The following SLC2A5 variants were observed in gnomAD, a reference collection of about 807,000 sequenced individuals.
The protein encoded by SLC2A5 is solute carrier family 2 member 5.
In SLC2A5, 56 loss-of-function variants were observed where a neutral mutation model predicts 50.3. That is an observed-to-expected ratio of 1.11 (90% confidence interval 0.90 to 1.39). SLC2A5 has a LOEUF of 1.39. Ranked by LOEUF, SLC2A5 falls within the 40% of genes most tolerant of loss-of-function variation. SLC2A5 has a pLI of 0.00. For missense variants in SLC2A5, 566 were observed against 650.1 expected, an observed-to-expected ratio of 0.87 and a Z score of 1.41; for synonymous variants, 269 against 281.9, an observed-to-expected ratio of 0.95 and a Z score of 0.46.
chr1:9,039,756 C>T lies in SLC2A5; in HGVS notation c.885+44G>A, dbSNP rs759769831. 14 of 1,441,002 alleles carry T rather than the reference C, an allele frequency of 9.7e-6. No individual in the cohort carries two copies. In the South Asian group the frequency reaches 1.4e-4, roughly 15 times the overall value. The allele number at this position is 1,441,002 out of a possible 1,614,324, so 89.3% of individuals were successfully genotyped here. A position where few individuals can be genotyped will look rare whatever the true frequency, so the allele number is the denominator to read the frequency against. On this transcript the variant is annotated intron_variant, in intron 7 of 11. Transcript: ENST00000377424. Reference sequence around the variant, plus strand: ...GCGCCCCAGGACCTGCGCCCCGCGCCCCCCGAGCCCTCCCCAGCTCCCGAG... The same window carrying T: ...GCGCCCCAGGACCTGCGCCCCGCGCTCCCCGAGCCCTCCCCAGCTCCCGAG...
intron 1 of SLC2A5, among the ~76,000 whole-genome samples, chr1:9,059,299 C>T (rs573380061): frequency 2.6e-5 from 4 of 151,638 alleles, no homozygotes; most frequent in East Asian, 1.9e-4. Flanking sequence ...CCCGCCACCA[C>T]GCCTGGCTAA....
chr1:9,077,782 AAG>A (rs1642309005), intron 2 of SLC2A5, among the ~76,000 whole-genome samples: 66 of 141,040 alleles, frequency 4.7e-4, no homozygotes, highest in East Asian at 1.7e-3. Context: ...GGAGGGAAAG[AAG>A]GGGAAGAAGG....
In SLC2A5 at chr1:9,064,654, A is replaced by G. The variant is rs567845009; in HGVS notation, c.33+4850T>C. Among the ~76,000 whole-genome samples the G allele has an allele frequency of 3.3e-5, 5 of 152,250 alleles. No homozygotes were observed. The South Asian group carries it at 1.0e-3, about 32-fold the overall frequency. On this transcript the variant is annotated intron_variant, in intron 1 of 11. Coordinates refer to ENST00000377424, the MANE Select transcript of SLC2A5 (RefSeq NM_003039.3). ...TCACATCTTATTCCCACGTGAGCTA[A>G]GTCATCTGCCTGCTATGTGGACTCT...
chr1:9,041,350 TG>T, intron 5 of SLC2A5: 1 of 698,280 alleles, frequency 1.4e-6, no homozygotes, highest in Non-Finnish European at 2.0e-6. Context: ...CCCTCACTCC[TG>T]GTACTTCTCT....
At chr1:9,074,151 T>C (rs889721594), upstream of SLC2A5, among the ~76,000 whole-genome samples, 26 of 151,624 alleles carry the variant, frequency 1.7e-4, no homozygotes, top group African/African-American at 3.9e-4. Context: ...AGCATGTTCA[T>C]ATAATAGTTT....
intron 1 of SLC2A5, among the ~76,000 whole-genome samples, chr1:9,059,939 G>A (rs1306637169): frequency 6.6e-6 from 1 of 151,430 alleles, no homozygotes; most frequent in East Asian, 1.9e-4. Flanking sequence ...GTGAACCTCT[G>A]AAGAGCAGCA....
chr1:9,084,250 A>T (rs183550283), intron 2 of SLC2A5, among the ~76,000 whole-genome samples: 1 of 152,158 alleles, frequency 6.6e-6, no homozygotes, highest in Non-Finnish European at 1.5e-5. Flanking sequence ...ATTTTGAGAA[A>T]CCCTCACCTT....
Position 9,040,191 on chromosome 1 carries a change from T to A in SLC2A5, c.572-2A>T. Reference sequence around the variant, plus strand: ...TCAGCCCCAGCAGGATCGGCCAGCCTGGGAGGAAGGCAGCGAGCTGGCACC... The same window carrying A: ...TCAGCCCCAGCAGGATCGGCCAGCCAGGGAGGAAGGCAGCGAGCTGGCACC... On this transcript the variant is annotated splice_acceptor_variant, in intron 5 of 11. Transcript: ENST00000377424. LOFTEE classifies it high-confidence loss of function. This position sits in a 1 kb window ranked among gnomAD's most constrained non-coding sequence, Gnocchi z 4.3. 6.5e-7 allele frequency: 1 copy of A among 1,548,264 alleles called. No homozygotes were observed. The highest frequency in any genetic ancestry group is 1.2e-5 in the South Asian group (1 of 84,152).
chr1:9,087,704 A>G (rs1166731136), intron 1 of SLC2A5, among the ~76,000 whole-genome samples: 1 of 152,010 alleles, frequency 6.6e-6, no homozygotes, highest in Admixed American at 6.6e-5. Context: ...GAGGAGGACA[A>G]TTAATCTGAA....
chr1:9,049,517 G>A (rs550658434), intron 3 of SLC2A5, among the ~76,000 whole-genome samples: 1 of 151,404 alleles, frequency 6.6e-6, no homozygotes, highest in South Asian at 2.1e-4. Flanking sequence ...ATGAAGTCAG[G>A]AGCTCAAGGC....
intron 1 of SLC2A5, among the ~76,000 whole-genome samples, chr1:9,087,061 C>T (rs1241391221): frequency 6.6e-6 from 1 of 152,186 alleles, no homozygotes; most frequent in Non-Finnish European, 1.5e-5. Flanking sequence ...GATAAGTCCC[C>T]TCTTTCAAAA....
At chr1:9,072,785 A>G (rs1289263065), upstream of SLC2A5, among the ~76,000 whole-genome samples, 2 of 143,622 alleles carry the variant, frequency 1.4e-5, no homozygotes, top group East Asian at 4.1e-4. Flanking sequence ...CCCCGTTTCT[A>G]CTAAAAATGC....
Position 9,037,881 on chromosome 1 carries a change from C to T in SLC2A5, c.1302+16G>A. ...TGGGGATCTGGTGGTGAGCGTGGGC[C>T]CCGGGCCCCACTCACCTGGATGAAC... On this transcript the variant is annotated intron_variant, in intron 11 of 11. Coordinates refer to ENST00000377424, the MANE Select transcript of SLC2A5 (RefSeq NM_003039.3). 6.2e-7 allele frequency: 1 copy of T among 1,613,572 alleles called. No individual in the cohort carries two copies. Among genetic ancestry groups the T allele is most frequent in the African/African-American group, 1.3e-5 (1 of 75,006 alleles).
rs79697376 is a variant in SLC2A5, at chr1:9,056,131, G to C, written c.293+1317C>G. Among the ~76,000 whole-genome samples the C allele has an allele frequency of 3.2e-3, 490 of 152,244 alleles. 11 individuals are homozygous for C. In the East Asian group the frequency reaches 0.043, roughly 13 times the overall value. On this transcript the variant is annotated intron_variant, in intron 3 of 11. Transcript: ENST00000377424. ...TGAGGGCCCACAGGGAAAACTGTGGGTTCAACACTAATCTCTCAAGAGGAT... is the reference window on the plus strand; with the variant it reads ...TGAGGGCCCACAGGGAAAACTGTGGCTTCAACACTAATCTCTCAAGAGGAT...
chr1:9,093,920 A>T, the SLC2A5 span, among the ~76,000 whole-genome samples: 1 of 152,168 alleles, frequency 6.6e-6, no homozygotes, highest in Non-Finnish European at 1.5e-5. Context: ...GCTGGTCGGC[A>T]ATTATCCCAT....
intron 1 of SLC2A5, among the ~76,000 whole-genome samples, chr1:9,087,264 G>T (rs182129917): frequency 3.0e-4 from 45 of 151,174 alleles, no homozygotes; most frequent in Admixed American, 3.0e-3. Flanking sequence ...GAGTGCAGTG[G>T]TGCAATCTTG....
At chr1:9,067,492 AACGTGGCAGTTGTGCCTTTCTCTGG>A (rs1312183559) in intron 1 of SLC2A5, among the ~76,000 whole-genome samples, 1 of 152,144 alleles carries the variant, frequency 6.6e-6, no homozygotes, top group African/African-American at 2.4e-5. Context: ...GGACGTGGGG[AACGTGGCAGTTGTGCCTTTCTCTGG>A]ACAGCGGAGG....
At chr1:9,060,234 C>T (rs1269785896) in intron 1 of SLC2A5, among the ~76,000 whole-genome samples, 1 of 121,466 alleles carries the variant, frequency 8.2e-6, no homozygotes, top group Non-Finnish European at 1.7e-5. Context: ...ACAATACACA[C>T]ACACCCCCCA....
upstream of SLC2A5, among the ~76,000 whole-genome samples, chr1:9,088,737 C>T (rs1163793964): frequency 1.3e-5 from 2 of 152,020 alleles, no homozygotes; most frequent in African/African-American, 2.4e-5. Context: ...GAGCCGAGAT[C>T]GCGCCACTGC....
Sources: allele counts gnomAD v4.1 joint callset (sites outside exome capture counted in the v4.1 genomes callset), GRCh38; gene constraint gnomAD v4.1.1; non-coding constraint Gnocchi (gnomAD v3.1); transcripts MANE v1.5; gene names NCBI Gene and HGNC (gene_info 2026-07-23, HGNC 2026-07-21).